Variants in ZSCAN1 observed in about 807,000 individuals in gnomAD.
The protein encoded by ZSCAN1 is zinc finger and SCAN domain containing 1, also known as zinc finger and SCAN domain-containing protein 1.
ZSCAN1 carries 23 observed loss-of-function variants against 23.8 expected under a neutral mutation model. The ratio of observed to expected loss-of-function variants is 0.97; its 90% CI spans 0.70 to 1.37. ZSCAN1 has a LOEUF of 1.37. Among genes scored for constraint, ZSCAN1 ranks in the 40% most tolerant of loss-of-function variants. ZSCAN1 has a pLI of 0.00. For missense variants in ZSCAN1, 575 were observed against 554.0 expected, an observed-to-expected ratio of 1.04 and a Z score of -0.38; for synonymous variants, 236 against 232.3, an observed-to-expected ratio of 1.02 and a Z score of -0.15.
chr19:58,052,823 C>T (rs1014667512), intron 5 of ZSCAN1, among the ~76,000 whole-genome samples, 195 bp downstream of exon 5: 16 of 152,174 alleles, frequency 1.1e-4, no homozygotes, highest in African/African-American at 3.4e-4. Flanking sequence ...GTTCACCCTA[C>T]GAGAAGGGCC....
chr19:58,055,978 T>A (rs2073887711), downstream of ZSCAN1, among the ~76,000 whole-genome samples: 4 of 152,084 alleles, frequency 2.6e-5, no homozygotes, highest in Admixed American at 2.6e-4. Context: ...GGGTTCCCAC[T>A]CCCCTCAGAG....
rs748953578 is a variant in ZSCAN1, at chr19:58,037,874, G to GCC, written c.42_43dup (p.Gln15ProfsTer54). 2.6e-6 allele frequency: 3 copies of GCC among 1,175,040 alleles called. No homozygotes were observed. The highest frequency in any genetic ancestry group is 2.3e-6 in the Non-Finnish European group (2 of 868,322). The allele number at this position is 1,175,040 out of a possible 1,614,324, so 72.8% of individuals were successfully genotyped here. A position where few individuals can be genotyped will look rare whatever the true frequency, so the allele number is the denominator to read the frequency against. ...CCCAAAGCCCCTGCCTCCCCCAGAC[G>GCC]CCCCCAGACCCCAACCCCGAGTGAG... On this transcript the variant is annotated frameshift_variant, in exon 3 of 6. Transcript: ENST00000282326. LOFTEE classifies it high-confidence loss of function.
intron 4 of ZSCAN1, among the ~76,000 whole-genome samples, chr19:58,051,137 C>T (rs1306897279): frequency 6.6e-6 from 1 of 152,134 alleles, no homozygotes; most frequent in African/African-American, 2.4e-5. Context: ...TCCACACATA[C>T]ATGCCACCCA....
chr19:58,047,820 AG>A lies in ZSCAN1; in HGVS notation c.466-4667del, dbSNP rs1207922346. Among the ~76,000 whole-genome samples the A allele has an allele frequency of 6.6e-6, 1 of 152,160 alleles. No homozygotes were observed. Among genetic ancestry groups the A allele is most frequent in the Non-Finnish European group, 1.5e-5 (1 of 68,020 alleles). ...TTCAAGGGCAACACCCGCAGTGCTT[AG>A]GGTTTACCCTGTGCCCTCTGGGTGG... On this transcript the variant is annotated intron_variant, in intron 4 of 5. Transcript: ENST00000282326. The surrounding 1 kb of genome is among the most constrained non-coding windows in gnomAD (Gnocchi z 4.9).
In ZSCAN1 at chr19:58,038,069, T is replaced by G. The variant is rs773483737; in HGVS notation, c.233T>G (p.Leu78Arg). Residue 78 changes from leucine to arginine, a missense_variant, in exon 3 of 6, where the codon CTG becomes CGG. Coordinates refer to ENST00000282326, the MANE Select transcript of ZSCAN1 (RefSeq NM_182572.4). Reference protein sequence around the residue: ...RPEARSKEQMLELLVLEQFLG... With the variant: ...RPEARSKEQMRELLVLEQFLG... ...GAGGCGCGCTCCAAGGAGCAGATGC[T>G]GGAGCTGCTGGTGCTGGAGCAGTTC... 2.5e-6 allele frequency: 4 copies of G among 1,611,868 alleles called. No homozygotes were observed. The Admixed American group carries it at 5.0e-5, about 20-fold the overall frequency.
intron 4 of ZSCAN1, among the ~76,000 whole-genome samples, chr19:58,048,382 T>C (rs1023195543): frequency 1.8e-4 from 28 of 152,386 alleles, no homozygotes; most frequent in South Asian, 6.2e-4. Flanking sequence ...AGCCAAGTTT[T>C]CATCTGTAAT....
chr19:58,045,006 G>A lies in ZSCAN1; in HGVS notation c.465+4462G>A. 1.7e-6 allele frequency: 2 copies of A among 1,150,614 alleles called. No individual in the cohort carries two copies. Among genetic ancestry groups the A allele is most frequent in the Non-Finnish European group, 1.3e-6 (1 of 765,506 alleles). 71.3% of individuals were successfully genotyped at this position (1,150,614 alleles called of 1,614,324 possible). ...AGAAGCTGGAGGAAGGCGGCCCTGT[G>A]TACAGCGCCCCCGCAGAGATGGTGG... On this transcript the variant is annotated intron_variant, in intron 4 of 5. Transcript: ENST00000282326. The surrounding 1 kb of genome is among the most constrained non-coding windows in gnomAD (Gnocchi z 4.3).
chr19:58,034,328 G>T (rs2073716852), intron 1 of ZSCAN1, among the ~76,000 whole-genome samples, 167 bp downstream of exon 1: 2 of 150,358 alleles, frequency 1.3e-5, no homozygotes, highest in Non-Finnish European at 3.0e-5. Flanking sequence ...GGGCCGGGCC[G>T]GGGTTCCAGA....
rs1052944877 is a variant in ZSCAN1 at position 58,049,649 on chromosome 19, C to T, written c.466-2841C>T. On this transcript the variant is annotated intron_variant, in intron 4 of 5. Coordinates refer to ENST00000282326, the MANE Select transcript of ZSCAN1 (RefSeq NM_182572.4). The surrounding 1 kb of genome is among the most constrained non-coding windows in gnomAD (Gnocchi z 4.5). ...CCTGAAGCCTGTAAGGGTAGCTGCC[C>T]GAAGCCCTTTGAGGGTAGCACTCTA... Among the ~76,000 whole-genome samples the T allele has an allele frequency of 5.9e-5, 9 of 152,176 alleles. No individual in the cohort carries two copies. Among genetic ancestry groups the T allele is most frequent in the Middle Eastern group, 3.2e-3 (1 of 316 alleles).
Position 58,053,883 on chromosome 19 carries a change from G to C in ZSCAN1, c.1059G>C (p.Arg353=). The C allele has an allele frequency of 6.2e-7, 1 of 1,613,644 alleles. No homozygotes were observed. The highest frequency in any genetic ancestry group is 8.5e-7 in the Non-Finnish European group (1 of 1,179,648). ...AGCCACCGAGGAAGAAAGCCCCCCG[G>C]AGCAAGGGCCCCCGGGAGTCCGTCC... ...LLEPPRKKAP[R]SKGPRESVPP... The change falls in exon 6 of 6, where the codon CGG becomes CGC. Residue 353 remains arginine (R), a synonymous_variant. Transcript: ENST00000282326. This position sits in a 1 kb window ranked among gnomAD's most constrained non-coding sequence, Gnocchi z 5.8.
chr19:58,055,813 G>A (rs1212406864), downstream of ZSCAN1, among the ~76,000 whole-genome samples: 4 of 152,192 alleles, frequency 2.6e-5, no homozygotes, highest in African/African-American at 9.7e-5. Flanking sequence ...TGAACACGAG[G>A]CATCAGTCAG....
chr19:58,055,009 CCT>C (rs1188824832), downstream of ZSCAN1, among the ~76,000 whole-genome samples: 1 of 152,188 alleles, frequency 6.6e-6, no homozygotes, highest in African/African-American at 2.4e-5. Flanking sequence ...GGGGAGCCAG[CCT>C]CGGACTCGGC....
chr19:58,046,757 G>A, intron 4 of ZSCAN1: 1 of 768,538 alleles, frequency 1.3e-6, no homozygotes, highest in South Asian at 1.4e-5. Flanking sequence ...AGGTTGCAGA[G>A]GTGAAGAGCT....
intron 5 of ZSCAN1, among the ~76,000 whole-genome samples, chr19:58,052,982 C>CA (rs2073868366): frequency 6.9e-6 from 1 of 145,018 alleles, no homozygotes; most frequent in East Asian, 2.0e-4. Flanking sequence ...TTTTTCGAGA[C>CA]AGAGTCTTGC....
rs774343642 is a variant in ZSCAN1 at position 58,045,423 on chromosome 19, A to T, written c.465+4879A>T. ...CTTGAAGAACGAGGCAGCCAAGGGC[A>T]GTGCCACCAAAGACTTCTCTGTGTT... On this transcript the variant is annotated intron_variant, in intron 4 of 5. Coordinates refer to ENST00000282326, the MANE Select transcript of ZSCAN1 (RefSeq NM_182572.4). This position sits in a 1 kb window ranked among gnomAD's most constrained non-coding sequence, Gnocchi z 4.3. The T allele has an allele frequency of 2.0e-6, 2 of 1,005,438 alleles. No individual in the cohort carries two copies. Among genetic ancestry groups the T allele is most frequent in the Non-Finnish European group, 3.2e-6 (2 of 623,612 alleles). The allele number at this position is 1,005,438 out of a possible 1,614,324, so 62.3% of individuals were successfully genotyped here.
chr19:58,049,216 C>G lies in ZSCAN1; in HGVS notation c.466-3274C>G, dbSNP rs1438018025. 1 of 153,446 alleles carries G rather than the reference C, an allele frequency of 6.5e-6. No homozygotes were observed. Among genetic ancestry groups the G allele is most frequent in the Non-Finnish European group, 1.5e-5 (1 of 68,196 alleles). The allele number at this position is 153,446 out of a possible 1,614,324, so 9.5% of individuals were successfully genotyped here. ...GATCCTATCAATTTGCCATCCAGCT[C>G]CTGTTCTTTCCGTTCCAAGGCCTTA... On this transcript the variant is annotated intron_variant, in intron 4 of 5. Coordinates refer to ENST00000282326, the MANE Select transcript of ZSCAN1 (RefSeq NM_182572.4). This position sits in a 1 kb window ranked among gnomAD's most constrained non-coding sequence, Gnocchi z 4.5.
At chr19:58,055,930 C>A (rs929747880), downstream of ZSCAN1, among the ~76,000 whole-genome samples, 17 of 152,182 alleles carry the variant, frequency 1.1e-4, no homozygotes, top group Non-Finnish European at 2.4e-4. Context: ...AAACAAAAAA[C>A]AACAACAAAG....
In ZSCAN1 at chr19:58,051,575, G is replaced by C. The variant is rs141889127; in HGVS notation, c.466-915G>C. ...CTTCCTTAGGCCCCTGTGCATCCAG[G>C]TAGGGTTGGGGCAGCAGAAAGCGAA... is the stretch of plus-strand genomic sequence containing the variant. On this transcript the variant is annotated intron_variant, in intron 4 of 5. Transcript: ENST00000282326. 3.3e-3 allele frequency among the ~76,000 whole-genome samples: 498 copies of C among 152,044 alleles called. 3 individuals carry two copies. Among genetic ancestry groups the C allele is most frequent in the Non-Finnish European group, 5.7e-3 (386 of 67,990 alleles).
At position 58,040,955 on chromosome 19, in the gene ZSCAN1, C is replaced by A. The variant is rs1046374319; in HGVS notation, c.465+411C>A. On this transcript the variant is annotated intron_variant, in intron 4 of 5. Coordinates refer to ENST00000282326, the MANE Select transcript of ZSCAN1 (RefSeq NM_182572.4). The surrounding 1 kb of genome is among the most constrained non-coding windows in gnomAD (Gnocchi z 5.8). ...TGCTGAGGGCTCCCCTGCAGCTAGA[C>A]CTGCTGTTGCGCAGGCCTCAAGGCG... Among the ~76,000 whole-genome samples, 27 of 152,298 alleles carry A rather than the reference C, an allele frequency of 1.8e-4. No homozygotes were observed. The highest frequency in any genetic ancestry group is 6.5e-4 in the African/African-American group (27 of 41,562).
Sources: allele counts gnomAD v4.1 joint callset (sites outside exome capture counted in the v4.1 genomes callset), GRCh38; gene constraint gnomAD v4.1.1; non-coding constraint Gnocchi (gnomAD v3.1); transcripts MANE v1.5; gene names NCBI Gene and HGNC (gene_info 2026-07-23, HGNC 2026-07-21).